SMAD5: variants seen among roughly 807,000 people sequenced by gnomAD.
SMAD5 encodes SMAD family member 5, also known as MAD, mothers against decapentaplegic homolog 5.
Under a neutral mutation model 43.1 loss-of-function variants are expected in SMAD5, and 9 were observed. That is an observed-to-expected ratio of 0.21 (90% confidence interval 0.13 to 0.36). The LOEUF is 0.36. Among genes scored for constraint, SMAD5 ranks in the 10% least tolerant of loss-of-function variants. The pLI is 1.00. For missense variants in SMAD5, 348 were observed against 574.0 expected, an observed-to-expected ratio of 0.61 and a Z score of 4.02; for synonymous variants, 190 against 192.4, an observed-to-expected ratio of 0.99 and a Z score of 0.10.
rs1243385895 is a variant in SMAD5, at chr5:136,161,127, AT to A, written c.655+21del. On this transcript the variant is annotated intron_variant, in intron 4 of 7. Transcript: ENST00000545279. ...TCCCAGGTAAGACTTTATTTTATTG[AT>A]ACCAAAAAAAAAAAAATTCCTAAGA... 3.8e-6 allele frequency: 6 copies of A among 1,572,756 alleles called. No homozygotes were observed. Among genetic ancestry groups the A allele is most frequent in the Admixed American group, 3.7e-5 (2 of 54,526 alleles).
chr5:136,151,058 T>G (rs774884543), intron 2 of SMAD5, among the ~76,000 whole-genome samples: 2 of 151,886 alleles, frequency 1.3e-5, no homozygotes, highest in Non-Finnish European at 2.9e-5. Flanking sequence ...TAAATAACAA[T>G]TTTTTTGTTT....
chr5:136,176,156 TAAAAA>T (rs919898966), intron 7 of SMAD5, among the ~76,000 whole-genome samples: 1 of 145,128 alleles, frequency 6.9e-6, no homozygotes, highest in Non-Finnish European at 1.5e-5. Flanking sequence ...AATTTTTCGT[TAAAAA>T]AAAAAACCTG....
chr5:136,162,597 A>T (rs1753858894), intron 4 of SMAD5, among the ~76,000 whole-genome samples: 1 of 152,214 alleles, frequency 6.6e-6, no homozygotes, highest in African/African-American at 2.4e-5. Context: ...AAACATTGGG[A>T]TGAAAGACAA....
chr5:136,137,188 A>G (rs191416210), intron 1 of SMAD5, among the ~76,000 whole-genome samples: 6 of 151,726 alleles, frequency 4.0e-5, no homozygotes, highest in Admixed American at 3.9e-4. Flanking sequence ...TGTGTGTGCA[A>G]TACTATAATT....
intron 5 of SMAD5, among the ~76,000 whole-genome samples, chr5:136,171,081 A>G (rs1188997759): frequency 1.3e-5 from 2 of 152,138 alleles, no homozygotes; most frequent in African/African-American, 4.8e-5. Context: ...GACTTCCAGT[A>G]TGATGTTGAA....
chr5:136,174,646 T>G lies in SMAD5; in HGVS notation c.1254+14T>G. 1 of 1,585,766 alleles carries G rather than the reference T, an allele frequency of 6.3e-7. No individual in the cohort carries two copies. The highest frequency in any genetic ancestry group is 8.7e-7 in the Non-Finnish European group (1 of 1,155,036). Reference sequence around the variant, plus strand: ...AGTTTTGTCAAGGTGAGTTGTGACCTCTAACATAATTTGAGTCACTATAAA... The same window carrying G: ...AGTTTTGTCAAGGTGAGTTGTGACCGCTAACATAATTTGAGTCACTATAAA... On this transcript the variant is annotated intron_variant, in intron 7 of 7. Transcript: ENST00000545279.
At chr5:136,170,709 G>T (rs1754187630) in intron 5 of SMAD5, among the ~76,000 whole-genome samples, 1 of 152,134 alleles carries the variant, frequency 6.6e-6, no homozygotes, top group Non-Finnish European at 1.5e-5. Context: ...ATTCTTGAAT[G>T]TGCAGTATTT....
chr5:136,167,170 A>AT (rs34121485), intron 5 of SMAD5, among the ~76,000 whole-genome samples: 18 of 148,356 alleles, frequency 1.2e-4, no homozygotes, highest in African/African-American at 2.2e-4. Flanking sequence ...TTCGCCTAGC[A>AT]TTTTTTTTTT....
chr5:136,133,635 T>G (rs543185899), intron 1 of SMAD5: 23 of 152,646 alleles, frequency 1.5e-4, no homozygotes, highest in African/African-American at 5.5e-4. Flanking sequence ...GCAGCGTCTT[T>G]TTGCCTTCAC....
chr5:136,134,922 C>T (rs1219286144), intron 1 of SMAD5: 2 of 152,158 alleles, frequency 1.3e-5, no homozygotes, highest in African/African-American at 4.8e-5. Context: ...GTTAGATTAA[C>T]CTTCTCAACT....
chr5:136,147,214 T>A (rs917346056), intron 1 of SMAD5, among the ~76,000 whole-genome samples: 32 of 151,844 alleles, frequency 2.1e-4, no homozygotes, highest in African/African-American at 7.7e-4. Context: ...ACAAAAAAAA[T>A]ATATTTTTAT....
At chr5:136,151,122 T>G (rs983774314) in intron 2 of SMAD5, among the ~76,000 whole-genome samples, 2 of 152,090 alleles carry the variant, frequency 1.3e-5, no homozygotes, top group Non-Finnish European at 2.9e-5. Flanking sequence ...CAAATTGTTT[T>G]TCTTACTCAT....
At chr5:136,175,368 G>C (rs1754378811) in intron 7 of SMAD5, among the ~76,000 whole-genome samples, 1 of 152,198 alleles carries the variant, frequency 6.6e-6, no homozygotes, top group South Asian at 2.1e-4. Flanking sequence ...TTTCATTAGG[G>C]TGACTTGGCA....
rs967582192 is a variant in SMAD5 at position 136,178,561 on chromosome 5, T to A, written c.*1081T>A. On this transcript the variant is annotated 3_prime_UTR_variant, in exon 8 of 8. Coordinates refer to ENST00000545279, the MANE Select transcript of SMAD5 (RefSeq NM_005903.7). ...AACTTAAGGTGCCTTTTTAATTCCC[T>A]ACAGTTTTATGGGTGTTATCAGTGC... The A allele has an allele frequency of 6.6e-6, 1 of 152,234 alleles. No homozygotes were observed. Among genetic ancestry groups the A allele is most frequent in the Non-Finnish European group, 1.5e-5 (1 of 68,040 alleles). 9.4% of individuals were successfully genotyped at this position (152,234 alleles called of 1,614,324 possible). A position where few individuals can be genotyped will look rare whatever the true frequency, so the allele number is the denominator to read the frequency against.
At chr5:136,174,132 A>G (rs1754322539) in intron 6 of SMAD5, among the ~76,000 whole-genome samples, 1 of 152,086 alleles carries the variant, frequency 6.6e-6, no homozygotes, top group Non-Finnish European at 1.5e-5. Context: ...GGAAAGGAAA[A>G]AGAGAACAAC....
At chr5:136,142,359 C>G (rs1042491260) in intron 1 of SMAD5, among the ~76,000 whole-genome samples, 1 of 152,048 alleles carries the variant, frequency 6.6e-6, no homozygotes, top group Non-Finnish European at 1.5e-5. Flanking sequence ...GTGATAGATT[C>G]ATTTGTAATT....
intron 7 of SMAD5, 69 bp from the exon 8 acceptor site, chr5:136,177,268 G>A: frequency 7.4e-7 from 1 of 1,350,390 alleles, no homozygotes; most frequent in Non-Finnish European, 1.1e-6. Context: ...TTTTTCTTAT[G>A]GTAAAATTGG....
At position 136,179,543 on chromosome 5, in the gene SMAD5, A is replaced by T. The variant is rs1754548101; in HGVS notation, c.*2063A>T. Reference sequence around the variant, plus strand: ...CTGTGTCATTATTTATTGCTTTTTCAATGTGCAGCCAGTGGATGGTTTTAG... The same window carrying T: ...CTGTGTCATTATTTATTGCTTTTTCTATGTGCAGCCAGTGGATGGTTTTAG... On this transcript the variant is annotated 3_prime_UTR_variant, in exon 8 of 8. Coordinates refer to ENST00000545279, the MANE Select transcript of SMAD5 (RefSeq NM_005903.7). The T allele has an allele frequency of 6.6e-6, 1 of 152,102 alleles. No homozygotes were observed. Among genetic ancestry groups the T allele is most frequent in the Non-Finnish European group, 1.5e-5 (1 of 67,996 alleles). 9.4% of individuals were successfully genotyped at this position (152,102 alleles called of 1,614,324 possible). A position where few individuals can be genotyped will look rare whatever the true frequency, so the allele number is the denominator to read the frequency against.
At position 136,177,488 on chromosome 5, in the gene SMAD5, G is replaced by T. The variant is rs369946371; in HGVS notation, c.*8G>T. ...ATATCTTCTGTTTCATAATGCAGAA[G>T]TATTCTTTTCAATTATATTGTTAGT... On this transcript the variant is annotated 3_prime_UTR_variant, in exon 8 of 8. Transcript: ENST00000545279. 2 of 1,597,686 alleles carry T rather than the reference G, an allele frequency of 1.3e-6. No individual in the cohort carries two copies. The highest frequency in any genetic ancestry group is 2.3e-5 in the South Asian group (2 of 88,040).
Sources: gnomAD v4.1 joint callset for allele counts (sites outside exome capture counted in the v4.1 genomes callset) on GRCh38, gnomAD v4.1.1 for gene constraint, MANE v1.5 for transcripts, NCBI Gene and HGNC (gene_info 2026-07-23, HGNC 2026-07-21) for gene names.